The following ADAM18 variants were observed in gnomAD, a reference collection of about 807,000 sequenced individuals.
ADAM18 encodes ADAM metallopeptidase domain 18, also known as disintegrin and metalloproteinase domain-containing protein 18.
Under a neutral mutation model 94.4 loss-of-function variants are expected in ADAM18, and 117 were observed. The ratio of observed to expected loss-of-function variants is 1.24; its 90% CI spans 1.07 to 1.45. The LOEUF is 1.45. Among genes scored for constraint, ADAM18 ranks in the 40% most tolerant of loss-of-function variants. ADAM18 has a pLI of 0.00. For synonymous variants in ADAM18, 327 were observed against 291.6 expected (o/e 1.12, Z -1.24); for missense variants, 936 against 880.0 (o/e 1.06, Z -0.81).
chr8:39,639,111 G>A (rs1820165877), intron 10 of ADAM18, among the ~76,000 whole-genome samples: 1 of 151,734 alleles, frequency 6.6e-6, no homozygotes, highest in Non-Finnish European at 1.5e-5. Context: ...AAGTTTTGTT[G>A]AAGTACAAAA....
intron 10 of ADAM18, 94 bp from the exon 11 acceptor site, chr8:39,645,244 T>C (rs768354312): frequency 1.8e-6 from 2 of 1,105,594 alleles, no homozygotes; most frequent in Non-Finnish European, 1.3e-6. Flanking sequence ...ATAAGAAGTA[T>C]TAAAATAGAA....
At chr8:39,694,164 G>T (rs147315428) in intron 17 of ADAM18, among the ~76,000 whole-genome samples, 3 of 151,286 alleles carry the variant, frequency 2.0e-5, no homozygotes, top group East Asian at 1.9e-4. Flanking sequence ...AGATATTCTT[G>T]CCTTGTCCTT....
chr8:39,662,522 G>C (rs537816471), intron 12 of ADAM18, among the ~76,000 whole-genome samples: 21 of 152,172 alleles, frequency 1.4e-4, no homozygotes, highest in Non-Finnish European at 1.5e-4. Context: ...AAATAAAATT[G>C]TTTAATAAAA....
chr8:39,721,845 G>A (rs564994769), intron 18 of ADAM18, among the ~76,000 whole-genome samples: 2 of 151,390 alleles, frequency 1.3e-5, no homozygotes, highest in African/African-American at 4.8e-5. Context: ...ACAGTATGAA[G>A]ATTTCTTAAA....
intron 17 of ADAM18, among the ~76,000 whole-genome samples, chr8:39,698,098 A>G (rs1821974976): frequency 6.6e-6 from 1 of 151,854 alleles, no homozygotes; most frequent in East Asian, 1.9e-4. Context: ...TTCCAAATAC[A>G]TGTTAGATTT....
At chr8:39,676,365 C>T (rs1821301116) in intron 14 of ADAM18, among the ~76,000 whole-genome samples, 1 of 152,236 alleles carries the variant, frequency 6.6e-6, no homozygotes, top group Admixed American at 6.5e-5. Flanking sequence ...TGATACCCCT[C>T]CCCCAGCCAG....
intron 6 of ADAM18, among the ~76,000 whole-genome samples, chr8:39,627,948 G>T (rs1339118669): frequency 6.6e-6 from 1 of 151,932 alleles, no homozygotes; most frequent in Non-Finnish European, 1.5e-5. Flanking sequence ...GTCTGAAAAA[G>T]ACTTTACTTA....
chr8:39,618,252 A>AG (rs1248850892), intron 6 of ADAM18, among the ~76,000 whole-genome samples: 1 of 152,162 alleles, frequency 6.6e-6, no homozygotes, highest in African/African-American at 2.4e-5. Context: ...AACTGGGTCC[A>AG]GGGGGGTCAC....
chr8:39,677,359 C>G (rs963390911), intron 14 of ADAM18, 72 bp from the exon 15 acceptor site: 3 of 1,228,590 alleles, frequency 2.4e-6, no homozygotes, highest in Non-Finnish European at 3.4e-6. Context: ...ATTAAATTTC[C>G]TTAGTCTGTT....
intron 17 of ADAM18, among the ~76,000 whole-genome samples, chr8:39,705,229 T>A (rs1822208198): frequency 6.6e-6 from 1 of 152,122 alleles, no homozygotes; most frequent in Non-Finnish European, 1.5e-5. Context: ...ATTGCCAGGT[T>A]TGTGCTTGTT....
intron 16 of ADAM18, among the ~76,000 whole-genome samples, chr8:39,684,811 C>T (rs939367135): frequency 3.3e-5 from 5 of 152,086 alleles, no homozygotes; most frequent in East Asian, 3.9e-4. Context: ...TCAGACAGCC[C>T]GGTGCCTCAT....
intron 17 of ADAM18, among the ~76,000 whole-genome samples, chr8:39,695,273 A>G (rs907227827): frequency 6.6e-6 from 1 of 151,596 alleles, no homozygotes; most frequent in Admixed American, 6.6e-5. Context: ...ACTGAGTCAT[A>G]TAATAGCAGC....
rs549628269 is a variant in ADAM18, at chr8:39,724,568, C to T, written c.2177+661C>T. Among the ~76,000 whole-genome samples the T allele has an allele frequency of 1.4e-3, 216 of 151,788 alleles. 1 individual carries two copies. Among genetic ancestry groups the T allele is most frequent in the African/African-American group, 2.7e-3 (114 of 41,498 alleles). On this transcript the variant is annotated intron_variant, in intron 19 of 19. Transcript: ENST00000265707. ...ATTCAGTTTTGTATTTCATTAATTA[C>T]AGGTTAATATTTCTTATCTACTTTT...
At chr8:39,619,679 A>G (rs1290241523) in intron 6 of ADAM18, among the ~76,000 whole-genome samples, 2 of 152,176 alleles carry the variant, frequency 1.3e-5, no homozygotes, top group African/African-American at 2.4e-5. Flanking sequence ...GTAAGTTTTT[A>G]TAAGGAGATT....
At chr8:39,719,362 A>G (rs1443632729) in intron 18 of ADAM18, among the ~76,000 whole-genome samples, 2 of 151,358 alleles carry the variant, frequency 1.3e-5, no homozygotes, top group African/African-American at 2.4e-5. Flanking sequence ...ACCAAAATTT[A>G]AAACTTCTAG....
intron 2 of ADAM18, among the ~76,000 whole-genome samples, chr8:39,591,877 T>C (rs1181941179): frequency 6.6e-6 from 1 of 152,190 alleles, no homozygotes; most frequent in Non-Finnish European, 1.5e-5. Flanking sequence ...AAAGTCAAAA[T>C]AGCTCCTTGA....
chr8:39,690,476 G>A (rs1051291933), intron 16 of ADAM18, among the ~76,000 whole-genome samples: 3 of 151,912 alleles, frequency 2.0e-5, no homozygotes, highest in African/African-American at 7.3e-5. Flanking sequence ...GGCCTAATTT[G>A]GACAATTTTA....
rs182312844 is a variant in ADAM18, at chr8:39,587,594, G to A, written c.132+2242G>A. Reference sequence around the variant, plus strand: ...TGAGTGGCTGGGATTACAGGTGCATGCCACCACACCTGGATAATTTTGTAT... The same window carrying A: ...TGAGTGGCTGGGATTACAGGTGCATACCACCACACCTGGATAATTTTGTAT... On this transcript the variant is annotated intron_variant, in intron 2 of 19. Coordinates refer to ENST00000265707, the MANE Select transcript of ADAM18 (RefSeq NM_014237.3). 7.5e-4 allele frequency among the ~76,000 whole-genome samples: 114 copies of A among 152,168 alleles called. 1 individual carries two copies. Among genetic ancestry groups the A allele is most frequent in the African/African-American group, 2.7e-3 (110 of 41,508 alleles).
chr8:39,602,842 A>G (rs560945931), intron 2 of ADAM18, among the ~76,000 whole-genome samples: 29 of 152,106 alleles, frequency 1.9e-4, no homozygotes, highest in African/African-American at 7.0e-4. Context: ...TGTATGGATT[A>G]TGCTTTTGCT....
Sources: gnomAD v4.1 joint callset for allele counts (sites outside exome capture counted in the v4.1 genomes callset) on GRCh38, gnomAD v4.1.1 for gene constraint, MANE v1.5 for transcripts, NCBI Gene and HGNC (gene_info 2026-07-23, HGNC 2026-07-21) for gene names.